Variants in PAIP1 observed in about 807,000 individuals in gnomAD.
PAIP1 encodes the protein poly(A) binding protein interacting protein 1.
PAIP1 carries 16 observed loss-of-function variants against 61.3 expected under a neutral mutation model. The observed-to-expected ratio is 0.26, with a 90% CI of 0.18 to 0.40. The LOEUF is 0.40. Among genes scored for constraint, PAIP1 ranks in the 10% least tolerant of loss-of-function variants. The pLI is 1.00. For synonymous variants in PAIP1, 187 were observed against 226.2 expected, an observed-to-expected ratio of 0.83 and a Z score of 1.56; for missense variants, 416 against 600.9, an observed-to-expected ratio of 0.69 and a Z score of 3.22.
rs373730839 is a variant in PAIP1 at position 43,550,837 on chromosome 5, CAAAA to C, written c.436-2928_436-2925del. On this transcript the variant is annotated intron_variant, in intron 2 of 10. Transcript: ENST00000306846. ...CACATTCAGAAGTTGAAATATACTA[CAAAA>C]AAAAAAAAAAAAAAAAAAGCAAAAA... Among the ~76,000 whole-genome samples the C allele has an allele frequency of 6.8e-3, 338 of 49,582 alleles. 3 individuals are homozygous for C. Among genetic ancestry groups the C allele is most frequent in the Middle Eastern group, 0.05 (2 of 40 alleles). 32.5% of individuals were successfully genotyped at this position (49,582 alleles called of 152,430 possible). A position where few individuals can be genotyped will look rare whatever the true frequency, so the allele number is the denominator to read the frequency against.
intron 6 of PAIP1, 91 bp from the exon 7 acceptor site, chr5:43,535,731 A>C (rs1747119476): frequency 1.4e-6 from 1 of 702,714 alleles, no homozygotes; most frequent in Middle Eastern, 2.7e-4. Flanking sequence ...GCATTCTCTA[A>C]ACAAGATGAA....
At chr5:43,547,413 A>G (rs553403354) in intron 3 of PAIP1, among the ~76,000 whole-genome samples, 17 of 152,308 alleles carry the variant, frequency 1.1e-4, no homozygotes, top group African/African-American at 4.1e-4. Context: ...TGGGGGTGAC[A>G]CTTATGTAGC....
intron 4 of PAIP1, among the ~76,000 whole-genome samples, chr5:43,540,436 T>C (rs578040600): frequency 6.6e-6 from 1 of 152,334 alleles, no homozygotes; most frequent in South Asian, 2.1e-4. Context: ...TAGGATATGA[T>C]TATGTACATG....
At position 43,556,985 on chromosome 5, in the gene PAIP1, G is replaced by C; in HGVS notation, c.-139C>G. The C allele has an allele frequency of 8.1e-7, 1 of 1,228,574 alleles. No homozygotes were observed. The highest frequency in any genetic ancestry group is 3.2e-4 in the Middle Eastern group (1 of 3,140). The allele number at this position is 1,228,574 out of a possible 1,614,324, so 76.1% of individuals were successfully genotyped here. A position where few individuals can be genotyped will look rare whatever the true frequency, so the allele number is the denominator to read the frequency against. On this transcript the variant is annotated 5_prime_UTR_variant, in exon 1 of 11. Transcript: ENST00000306846. Reference sequence around the variant, plus strand: ...TGGAGGAGGAGGGCGGCGGGCCCCGGCTCGGCTGCTCGGTGCTTCTGGCGG... The same window carrying C: ...TGGAGGAGGAGGGCGGCGGGCCCCGCCTCGGCTGCTCGGTGCTTCTGGCGG...
intron 9 of PAIP1, among the ~76,000 whole-genome samples, chr5:43,531,661 A>C (rs1303852051): frequency 7.0e-6 from 1 of 143,490 alleles, no homozygotes; most frequent in Non-Finnish European, 1.5e-5. Flanking sequence ...TGTCTCAAAA[A>C]AAAAAAAAAA....
chr5:43,557,183 C>G (rs528335211), upstream of PAIP1: 1 of 224,596 alleles, frequency 4.5e-6, no homozygotes, highest in African/African-American at 2.3e-5. Flanking sequence ...CGCGAGGATC[C>G]TCCAGTTCGC....
chr5:43,537,758 G>C (rs1416813088), intron 5 of PAIP1, among the ~76,000 whole-genome samples: 1 of 152,118 alleles, frequency 6.6e-6, no homozygotes, highest in Non-Finnish European at 1.5e-5. Flanking sequence ...CACTCTGGGA[G>C]GCTGAGGCGG....
chr5:43,541,163 C>T (rs1046550633), intron 4 of PAIP1, among the ~76,000 whole-genome samples: 8 of 141,300 alleles, frequency 5.7e-5, no homozygotes, highest in African/African-American at 1.9e-4. Context: ...GTCTGGCTGT[C>T]ACCCAGGCTG....
At chr5:43,556,091 T>C (rs1748051943) in intron 1 of PAIP1, 92 bp from the exon 2 acceptor site, 2 of 1,486,074 alleles carry the variant, frequency 1.3e-6, no homozygotes, top group South Asian at 1.4e-5. Flanking sequence ...AAAGCGTCTG[T>C]TTTTAAGAGT....
At position 43,539,062 on chromosome 5, in the gene PAIP1, C is replaced by T. The variant is rs1255099148; in HGVS notation, c.735-27G>A. On this transcript the variant is annotated intron_variant, in intron 4 of 10. Transcript: ENST00000306846. Reference sequence around the variant, plus strand: ...TAATTAAAGACATATCTTTTATAATCTCACATTGCTTTGCTTTTTAAATAG... The same window carrying T: ...TAATTAAAGACATATCTTTTATAATTTCACATTGCTTTGCTTTTTAAATAG... 2.2e-6 allele frequency: 3 copies of T among 1,379,758 alleles called. No homozygotes were observed. The Admixed American group carries it at 5.1e-5, about 23-fold the overall frequency. 85.5% of individuals were successfully genotyped at this position (1,379,758 alleles called of 1,614,324 possible).
intron 2 of PAIP1, 60 bp downstream of exon 2, chr5:43,555,770 G>A: frequency 7.0e-7 from 1 of 1,418,940 alleles, no homozygotes; most frequent in Non-Finnish European, 9.6e-7. Flanking sequence ...GATTAACAAA[G>A]TAACAACCAC....
chr5:43,553,198 G>A (rs532379833), intron 2 of PAIP1, among the ~76,000 whole-genome samples: 3 of 152,116 alleles, frequency 2.0e-5, no homozygotes, highest in Non-Finnish European at 4.4e-5. Flanking sequence ...AAGAAATAAT[G>A]GCCAGGGATA....
Position 43,553,253 on chromosome 5 carries a change from A to G in PAIP1, c.435+2577T>C, listed in dbSNP as rs562199745. Reference sequence around the variant, plus strand: ...TGGTAAGAAGACATGGAAAGTAGGAAATTCTAGCAGCAGGATTAGAGGAAG... The same window carrying G: ...TGGTAAGAAGACATGGAAAGTAGGAGATTCTAGCAGCAGGATTAGAGGAAG... On this transcript the variant is annotated intron_variant, in intron 2 of 10. Transcript: ENST00000306846. Among the ~76,000 whole-genome samples the G allele has an allele frequency of 3.9e-5, 6 of 152,340 alleles. No homozygotes were observed. The East Asian group carries it at 7.7e-4, about 20-fold the overall frequency.
At chr5:43,543,139 T>A (rs751222494) in intron 3 of PAIP1, 23 bp from the exon 4 acceptor site, 1 of 1,175,696 alleles carries the variant, frequency 8.5e-7, no homozygotes, top group Non-Finnish European at 1.3e-6. Flanking sequence ...AGAAAAGTGT[T>A]ATATGACATA....
intron 3 of PAIP1, among the ~76,000 whole-genome samples, chr5:43,544,525 GACA>G (rs767618623): frequency 1.3e-5 from 2 of 152,102 alleles, no homozygotes; most frequent in Admixed American, 1.3e-4. Flanking sequence ...TACTCCCAAA[GACA>G]ACCACTTTTG....
At chr5:43,552,447 ATAAG>A (rs1487383719) in intron 2 of PAIP1, among the ~76,000 whole-genome samples, 2 of 152,230 alleles carry the variant, frequency 1.3e-5, no homozygotes, top group African/African-American at 4.8e-5. Context: ...TAGCACATAA[ATAAG>A]TGATAGATTC....
intron 8 of PAIP1, among the ~76,000 whole-genome samples, chr5:43,534,195 T>C (rs1747054492): frequency 6.6e-6 from 1 of 151,436 alleles, no homozygotes; most frequent in African/African-American, 2.4e-5. Context: ...ACTGGCCTAG[T>C]AGCCATTTTT....
In PAIP1 at chr5:43,556,838, G is replaced by A. The variant is rs988094289; in HGVS notation, c.9C>T (p.Asp3=). Residue 3 remains aspartate, a synonymous_variant, in exon 1 of 11, where the codon GAC becomes GAT. Transcript: ENST00000306846. MS[D]GFDRAPGAGR... ...CAGCACCTGGGGCCCGATCGAAACCGTCCGACATGCTCCTCCTCCTCCGCC... is the reference window on the plus strand; with the variant it reads ...CAGCACCTGGGGCCCGATCGAAACCATCCGACATGCTCCTCCTCCTCCGCC... 5.5e-6 allele frequency: 8 copies of A among 1,443,244 alleles called. No individual in the cohort carries two copies. The highest frequency in any genetic ancestry group is 2.1e-4 in the Middle Eastern group (1 of 4,760). 89.4% of individuals were successfully genotyped at this position (1,443,244 alleles called of 1,614,324 possible).
In PAIP1 at chr5:43,534,775, C is replaced by A. The variant is rs957855587; in HGVS notation, c.1197+78G>T. On this transcript the variant is annotated intron_variant, in intron 8 of 10. Transcript: ENST00000306846. Reference sequence around the variant, plus strand: ...GTTATTAGGCACTGAATTCTGAGAACAGCTTTATGTAGCTCTTCTAATTTC... The same window carrying A: ...GTTATTAGGCACTGAATTCTGAGAAAAGCTTTATGTAGCTCTTCTAATTTC... The A allele has an allele frequency of 5.1e-6, 4 of 790,730 alleles. No homozygotes were observed. In the East Asian group the frequency reaches 9.8e-5, roughly 19 times the overall value. 49.0% of individuals were successfully genotyped at this position (790,730 alleles called of 1,614,324 possible).
Sources: allele counts gnomAD v4.1 joint callset (sites outside exome capture counted in the v4.1 genomes callset), GRCh38; gene constraint gnomAD v4.1.1; transcripts MANE v1.5; gene names NCBI Gene and HGNC (gene_info 2026-07-23, HGNC 2026-07-21).